The following SPMIP1 variants were observed in gnomAD, a reference collection of about 807,000 sequenced individuals.
SPMIP1 encodes protein SPMIP1.
chr7:128,866,526 C>G, the SPMIP1 span: 1 of 1,535,948 alleles, frequency 6.5e-7, no homozygotes, highest in African/African-American at 1.4e-5. Context: ...TGGTGAAGGC[C>G]AAGCAGAAGG....
At chr7:128,868,717 C>T in the SPMIP1 span, 1 of 1,535,972 alleles carries the variant, frequency 6.5e-7, no homozygotes, top group Non-Finnish European at 8.7e-7. Context: ...CGCATTGAGT[C>T]ATTCTTCCGC....
the SPMIP1 span, chr7:128,866,686 C>T: frequency 6.5e-7 from 1 of 1,535,668 alleles, no homozygotes. Context: ...CCCGGTACCA[C>T]CTATCACCCG....
chr7:128,867,549 G>T, the SPMIP1 span, among the ~76,000 whole-genome samples: 2 of 152,096 alleles, frequency 1.3e-5, no homozygotes, highest in Admixed American at 1.3e-4. Flanking sequence ...CAAATTCGGA[G>T]GTCATTGGAA....
chr7:128,869,350 G>A, the SPMIP1 span: 3 of 155,130 alleles, frequency 1.9e-5, no homozygotes, highest in African/African-American at 7.2e-5. Flanking sequence ...GTCACTGCCA[G>A]AGTGCAGTGC....
the SPMIP1 span, among the ~76,000 whole-genome samples, chr7:128,867,845 C>T: frequency 6.6e-6 from 1 of 152,224 alleles, no homozygotes; most frequent in Non-Finnish European, 1.5e-5. Flanking sequence ...TCTGGGATTA[C>T]AGGCATGAGC....
At chr7:128,866,587 G>GCCCCCCCCCCCCCCCCC in the SPMIP1 span, 1 of 1,508,500 alleles carries the variant, frequency 6.6e-7, no homozygotes. Flanking sequence ...GCACCCCAAA[G>GCCCCCCCCCCCCCCCCC]CCCCACTCTC....
At chr7:128,870,823 G>A in the SPMIP1 span, 1 of 152,208 alleles carries the variant, frequency 6.6e-6, no homozygotes, top group Non-Finnish European at 1.5e-5. Context: ...ATTTGTTAAA[G>A]CCATTTTATG....
chr7:128,869,578 C>A, the SPMIP1 span: 2 of 152,234 alleles, frequency 1.3e-5, no homozygotes, highest in Admixed American at 6.5e-5. Context: ...CCCCTCGGTG[C>A]CCCGCCCGCT....
At chr7:128,867,046 C>G in the SPMIP1 span, among the ~76,000 whole-genome samples, 2 of 152,156 alleles carry the variant, frequency 1.3e-5, no homozygotes, top group Non-Finnish European at 2.9e-5. Context: ...TTCTGAGGAC[C>G]CGAGGCTGAG....
chr7:128,866,556 G>A, the SPMIP1 span: 7 of 1,535,730 alleles, frequency 4.6e-6, no homozygotes, highest in Non-Finnish European at 6.1e-6. Context: ...CAGCCCGCCT[G>A]CCCCTCAAAC....
At chr7:128,867,568 C>CT in the SPMIP1 span, among the ~76,000 whole-genome samples, 155 of 145,248 alleles carry the variant, frequency 1.1e-3, 1 homozygote, top group South Asian at 0.016. Flanking sequence ...AATATAGGTG[C>CT]TTTTTTTTTT....
the SPMIP1 span, among the ~76,000 whole-genome samples, chr7:128,867,578 TTC>T: frequency 5.9e-5 from 9 of 152,110 alleles, no homozygotes; most frequent in Non-Finnish European, 1.2e-4. Flanking sequence ...CTTTTTTTTT[TTC>T]TTTTTCTTTT....
At chr7:128,866,579 A>T in the SPMIP1 span, 1 of 1,532,092 alleles carries the variant, frequency 6.5e-7, no homozygotes, top group African/African-American at 1.4e-5. Flanking sequence ...CCCACCCTGC[A>T]CCCCAAAGCC....
At chr7:128,867,022 G>A in the SPMIP1 span, among the ~76,000 whole-genome samples, 1 of 152,238 alleles carries the variant, frequency 6.6e-6, no homozygotes, top group Non-Finnish European at 1.5e-5. Context: ...TTATTGGATT[G>A]TCAGGAAAGG....
the SPMIP1 span, among the ~76,000 whole-genome samples, chr7:128,867,350 G>GGAA: frequency 6.6e-6 from 1 of 152,200 alleles, no homozygotes; most frequent in Admixed American, 6.5e-5. Flanking sequence ...GAGAATAAGG[G>GGAA]GAAGAGAGAT....
At chr7:128,866,600 C>A in the SPMIP1 span, 1 of 1,534,390 alleles carries the variant, frequency 6.5e-7, no homozygotes, top group South Asian at 1.2e-5. Context: ...CCACTCTCAC[C>A]CCCACCCGCC....
At chr7:128,869,043 G>A in the SPMIP1 span, 1 of 422,854 alleles carries the variant, frequency 2.4e-6, no homozygotes, top group South Asian at 9.0e-5. Flanking sequence ...CTCAGCACCA[G>A]GGGAACACAG....
chr7:128,868,593 A>G, the SPMIP1 span: 2 of 928,790 alleles, frequency 2.2e-6, no homozygotes, highest in Non-Finnish European at 3.2e-6. Context: ...GGCTGTGCAG[A>G]CAGACAGGGC....
chr7:128,866,364 A>G, the SPMIP1 span: 7 of 1,439,540 alleles, frequency 4.9e-6, no homozygotes, highest in South Asian at 9.5e-5. Context: ...TGCTGTGCTC[A>G]CCCCTCAGCT....
Sources: allele counts gnomAD v4.1 joint callset (sites outside exome capture counted in the v4.1 genomes callset), GRCh38; gene constraint gnomAD v4.1.1; transcripts MANE v1.5; gene names NCBI Gene and HGNC (gene_info 2026-07-23, HGNC 2026-07-21).